Variants in LARGE1 observed in about 807,000 individuals in gnomAD.
LARGE1 encodes the protein xylosyl- and glucuronyltransferase LARGE1.
LARGE1 carries 43 observed loss-of-function variants against 87.6 expected under a neutral mutation model. The observed-to-expected ratio is 0.49, with a 90% CI of 0.38 to 0.63. The LOEUF is 0.63. LARGE1 is among the 30% of genes least tolerant of loss of function. The probability of loss-of-function intolerance (pLI) is 0.00; values close to 1 mark genes in which losing one functional copy is unlikely to be tolerated. For missense variants in LARGE1, 802 were observed against 1,000.2 expected, an observed-to-expected ratio of 0.80 and a Z score of 2.67; for synonymous variants, 434 against 394.6, an observed-to-expected ratio of 1.10 and a Z score of -1.18.
At chr22:33,112,812 G>T in the LARGE1 span, among the ~76,000 whole-genome samples, 1 of 152,136 alleles carries the variant, frequency 6.6e-6, no homozygotes, top group East Asian at 1.9e-4. Context: ...ACAGATGTGT[G>T]AAAAAGCTAT....
chr22:33,878,125 A>ATTTTTTTTTTTTTTTTTTTTTTTTTTTT (rs1601836110), intron 1 of LARGE1, among the ~76,000 whole-genome samples: 1 of 51,234 alleles, frequency 2.0e-5, no homozygotes, highest in Non-Finnish European at 4.1e-5. Context: ...TTTATATTGT[A>ATTTTTTTTTTTTTTTTTTTTTTTTTTTT]TTTCTTTTTT....
intron 2 of LARGE1, among the ~76,000 whole-genome samples, chr22:33,656,742 A>C (rs1338082149): frequency 6.6e-6 from 1 of 152,174 alleles, no homozygotes; most frequent in Non-Finnish European, 1.5e-5. Context: ...TTTCAGCTTA[A>C]AATGTCAAAC....
At chr22:33,275,000 C>A (rs538677211) in intron 14 of LARGE1, among the ~76,000 whole-genome samples, 1 of 152,140 alleles carries the variant, frequency 6.6e-6, no homozygotes, top group Non-Finnish European at 1.5e-5. Context: ...GGATGACACA[C>A]GCCATGGGAT....
chr22:33,484,266 G>T (rs1047264798), intron 6 of LARGE1, among the ~76,000 whole-genome samples: 2 of 152,070 alleles, frequency 1.3e-5, no homozygotes, highest in African/African-American at 4.8e-5. Flanking sequence ...GTGATTCAAA[G>T]AAAAATGAGC....
At chr22:33,548,214 A>T (rs567368894) in intron 6 of LARGE1, among the ~76,000 whole-genome samples, 2 of 152,218 alleles carry the variant, frequency 1.3e-5, no homozygotes, top group South Asian at 4.2e-4. Flanking sequence ...CTGGTTTTTT[A>T]AAAAATGTGT....
chr22:33,611,454 G>C (rs1350650901), intron 4 of LARGE1, among the ~76,000 whole-genome samples: 1 of 152,228 alleles, frequency 6.6e-6, no homozygotes, highest in Admixed American at 6.5e-5. Context: ...TTGCAGACTT[G>C]TGTGGGGGCC....
chr22:33,261,609 AG>A (rs1927628283), intron 11 of LARGE1, among the ~76,000 whole-genome samples: 1 of 123,470 alleles, frequency 8.1e-6, no homozygotes. Flanking sequence ...AAATCAAAAA[AG>A]AAAAAAAAAA....
At chr22:33,422,588 C>A (rs375061683) in intron 7 of LARGE1, among the ~76,000 whole-genome samples, 1 of 151,718 alleles carries the variant, frequency 6.6e-6, no homozygotes, top group Admixed American at 6.6e-5. Flanking sequence ...CCGCTCACTG[C>A]AACCTCCAAC....
In LARGE1 at chr22:33,174,542, A is replaced by G. The variant is rs541821967; in HGVS notation, c.1731-7710T>C. On this transcript the variant is annotated intron_variant, in intron 11 of 11. Transcript: ENST00000608642. ...TGAAAAACCCTTCAAAAAATCAATG[A>G]ATCCAGCAGCTGCTTTTTTGAAAAG... Among the ~76,000 whole-genome samples, 4 of 152,334 alleles carry G rather than the reference A, an allele frequency of 2.6e-5. 1 individual carries two copies. The South Asian group carries it at 8.3e-4, about 32-fold the overall frequency.
At chr22:33,409,589 T>TTAATAA (rs71187263) in intron 7 of LARGE1, among the ~76,000 whole-genome samples, 1 of 151,772 alleles carries the variant, frequency 6.6e-6, no homozygotes, top group Non-Finnish European at 1.5e-5. Context: ...TTATGCACAG[T>TTAATAA]TAATAATAAT....
At chr22:33,567,247 T>A (rs147492275) in intron 5 of LARGE1, among the ~76,000 whole-genome samples, 165 of 152,336 alleles carry the variant, frequency 1.1e-3, no homozygotes, top group African/African-American at 3.8e-3. Flanking sequence ...GAGTAGTTGC[T>A]CATTTTTAAA....
chr22:33,197,316 A>G (rs1427279754), intron 11 of LARGE1, among the ~76,000 whole-genome samples: 2 of 152,126 alleles, frequency 1.3e-5, no homozygotes, highest in East Asian at 3.8e-4. Context: ...CATAAAATAA[A>G]ACAAAGAGCA....
At chr22:33,559,223 C>T (rs912972877) in intron 6 of LARGE1, among the ~76,000 whole-genome samples, 4 of 152,150 alleles carry the variant, frequency 2.6e-5, no homozygotes, top group African/African-American at 7.2e-5. Flanking sequence ...CTCTTGTTGC[C>T]CAGGCTGGAG....
chr22:33,454,724 G>A (rs2068065295), intron 6 of LARGE1, among the ~76,000 whole-genome samples: 1 of 152,124 alleles, frequency 6.6e-6, no homozygotes, highest in African/African-American at 2.4e-5. Flanking sequence ...AGGCCTCAGG[G>A]AATGCACAGT....
intron 11 of LARGE1, among the ~76,000 whole-genome samples, chr22:33,243,213 A>AGCTTTATAT (rs1485390456): frequency 1.3e-5 from 2 of 152,246 alleles, no homozygotes; most frequent in Non-Finnish European, 2.9e-5. Context: ...CTTTAAATAA[A>AGCTTTATAT]GCTTTATATC....
At chr22:33,625,409 T>C (rs1237686925) in intron 4 of LARGE1, among the ~76,000 whole-genome samples, 1 of 152,152 alleles carries the variant, frequency 6.6e-6, no homozygotes, top group African/African-American at 2.4e-5. Context: ...CACTTCCAGG[T>C]AGAAGAAGAA....
rs143319751 is a variant in LARGE1, at chr22:33,322,994, C to T, written c.1288-6746G>A. ...AAAATTAGCTGGGTGCAGTGGCGTG[C>T]GCCTCTAGTCCCAGCTACTTGGGAG... On this transcript the variant is annotated intron_variant, in intron 10 of 14. Coordinates refer to ENST00000397394, the MANE Select transcript of LARGE1 (RefSeq NM_133642.5). 2.6e-4 allele frequency among the ~76,000 whole-genome samples: 40 copies of T among 152,128 alleles called. No individual in the cohort carries two copies. In the East Asian group the frequency reaches 6.2e-3, roughly 24 times the overall value.
At chr22:33,565,192 T>C (rs943487455) in intron 5 of LARGE1, among the ~76,000 whole-genome samples, 173 bp from the exon 6 acceptor site, 2 of 152,244 alleles carry the variant, frequency 1.3e-5, no homozygotes, top group Non-Finnish European at 2.9e-5. Flanking sequence ...CATTTTGACA[T>C]GTGAAGTTTT....
At chr22:33,309,104 A>C (rs1334904056) in intron 11 of LARGE1, among the ~76,000 whole-genome samples, 2 of 152,016 alleles carry the variant, frequency 1.3e-5, no homozygotes, top group African/African-American at 4.8e-5. Context: ...ACAATCGACA[A>C]ACCAGAGGTT....
Sources: gnomAD v4.1 joint callset for allele counts (sites outside exome capture counted in the v4.1 genomes callset) on GRCh38, gnomAD v4.1.1 for gene constraint, MANE v1.5 for transcripts, NCBI Gene and HGNC (gene_info 2026-07-23, HGNC 2026-07-21) for gene names.